DNAH17: variants seen among roughly 807,000 people sequenced by gnomAD.
DNAH17 encodes the protein axonemal beta dynein heavy chain 17.
Under a neutral mutation model 485.6 loss-of-function variants are expected in DNAH17, and 376 were observed. The ratio of observed to expected loss-of-function variants is 0.77; its 90% confidence interval spans 0.71 to 0.84. The LOEUF is 0.84. Among genes scored for constraint, DNAH17 ranks in the 40% least tolerant of loss-of-function variants. The pLI is 0.00. For missense variants in DNAH17, 6,370 were observed against 5,839.3 expected, an observed-to-expected ratio of 1.09 and a Z score of -2.96; for synonymous variants, 3,031 against 2,405.9, an observed-to-expected ratio of 1.26 and a Z score of -7.60.
rs1341942435 is a variant in DNAH17 at position 78,460,384 on chromosome 17, G to A, written c.9340-127C>T. The A allele has an allele frequency of 2.7e-5, 13 of 483,620 alleles. No homozygotes were observed. In the African/African-American group the frequency reaches 2.8e-4, roughly 10 times the overall value. The allele number at this position is 483,620 out of a possible 1,614,324, so 30.0% of individuals were successfully genotyped here. The stretch of plus-strand genomic sequence containing the variant: ...TATGCACGTGCATGAGTGTATGTGT[G>A]CATATATGTGCATGAGTGTATGTGT... On this transcript the variant is annotated intron_variant, in intron 58 of 80. Transcript: ENST00000389840.
chr17:78,552,575 G>A (rs1422791960), intron 15 of DNAH17, 122 bp downstream of exon 15: 3 of 560,526 alleles, frequency 5.4e-6, no homozygotes, highest in Middle Eastern at 3.2e-4. Flanking sequence ...CCCCCTTGAA[G>A]TTAAAGCAGA....
At position 78,459,037 on chromosome 17, in the gene DNAH17, T is replaced by C. The variant is rs777819763; in HGVS notation, c.9825A>G (p.Ala3275=). Residue 3275 remains alanine (A), a synonymous_variant, in exon 61 of 81, where the codon GCA becomes GCG. Coordinates refer to ENST00000389840, the MANE Select transcript of DNAH17 (RefSeq NM_173628.4). ...TTTTGATCCGGGACAGCTTCTCTTG[T>C]GCCTCTGCCAGCTCTGCATTAGCCT... The part of the protein sequence containing the change: ...LEEANAELAE[A]QEKLSRIKNK... The C allele has an allele frequency of 1.2e-6, 2 of 1,614,050 alleles. No homozygotes were observed. Among genetic ancestry groups the C allele is most frequent in the Non-Finnish European group, 1.7e-6 (2 of 1,179,902 alleles).
At chr17:78,538,012 G>A (rs530185672) in intron 18 of DNAH17, among the ~76,000 whole-genome samples, 32 of 152,138 alleles carry the variant, frequency 2.1e-4, no homozygotes, top group Non-Finnish European at 4.3e-4. Flanking sequence ...CTGGTGGTGG[G>A]TGTCTGGAAC....
intron 19 of DNAH17, among the ~76,000 whole-genome samples, chr17:78,535,843 A>G (rs544652993): frequency 1.4e-4 from 22 of 152,362 alleles, no homozygotes; most frequent in African/African-American, 5.3e-4. Flanking sequence ...GACAATTCAC[A>G]GAATCTGGGT....
chr17:78,553,517 G>C (rs953560946), intron 14 of DNAH17, among the ~76,000 whole-genome samples: 3 of 151,880 alleles, frequency 2.0e-5, no homozygotes, highest in African/African-American at 7.3e-5. Flanking sequence ...GGCCAGGCTG[G>C]TCTTGAACTC....
intron 16 of DNAH17, among the ~76,000 whole-genome samples, chr17:78,548,105 C>A (rs1416353489): frequency 6.6e-6 from 1 of 151,764 alleles, no homozygotes; most frequent in Non-Finnish European, 1.5e-5. Flanking sequence ...TCTGCTTTTG[C>A]AGTTTTGACT....
At position 78,514,773 on chromosome 17, in the gene DNAH17, C is replaced by T; in HGVS notation, c.4113+1G>A. On this transcript the variant is annotated splice_donor_variant, in intron 26 of 80. Transcript: ENST00000389840. LOFTEE classifies it high-confidence loss of function. ...CCTCCGCCCACCATGGTGCATGGTA[C>T]CTGGGTGGCCTGCATGAGCTGCTGC... is the stretch of plus-strand genomic sequence containing the variant. The T allele has an allele frequency of 7.4e-6, 12 of 1,613,644 alleles. No individual in the cohort carries two copies. Among genetic ancestry groups the T allele is most frequent in the Non-Finnish European group, 1.0e-5 (12 of 1,179,772 alleles).
In DNAH17 at chr17:78,558,248, C is replaced by T. The variant is rs1471871257; in HGVS notation, c.2038G>A (p.Ala680Thr). The change falls in exon 14 of 81, where the codon GCA becomes ACA. Residue 680 changes from alanine (A) to threonine (T), a missense_variant. Coordinates refer to ENST00000389840, the MANE Select transcript of DNAH17 (RefSeq NM_173628.4). ...AAATACTTGACTTCTCTCAGAACTG[C>T]CACCAACTAAATGACAAACGAAGAT... is the stretch of plus-strand genomic sequence containing the variant. ...IHVNFSKALV[A>T]VLREVKYLNF... The T allele has an allele frequency of 6.2e-7, 1 of 1,613,430 alleles. No individual in the cohort carries two copies.
intron 25 of DNAH17, among the ~76,000 whole-genome samples, chr17:78,515,715 G>A (rs1378334379): frequency 1.3e-5 from 2 of 152,198 alleles, no homozygotes; most frequent in Admixed American, 1.3e-4. Flanking sequence ...TCACAAAGGG[G>A]CATCGCCGAA....
chr17:78,510,752 C>CCCG (rs1555679585), intron 26 of DNAH17: 8 of 302,426 alleles, frequency 2.6e-5, no homozygotes, highest in African/African-American at 2.2e-4. Flanking sequence ...GGAATTGCGG[C>CCCG]CCCCCCGCAA....
intron 17 of DNAH17, among the ~76,000 whole-genome samples, chr17:78,542,883 C>T (rs559918050): frequency 1.2e-3 from 183 of 152,332 alleles, no homozygotes; most frequent in African/African-American, 4.2e-3. Flanking sequence ...GGGAAATCCA[C>T]GGGGGATACC....
chr17:78,466,782 A>C lies in DNAH17; in HGVS notation c.8813T>G (p.Leu2938Arg). The C allele has an allele frequency of 3.1e-6, 5 of 1,604,000 alleles. No individual in the cohort carries two copies. Among genetic ancestry groups the C allele is most frequent in the Non-Finnish European group, 4.3e-6 (5 of 1,175,580 alleles). Residue 2938 changes from leucine (L) to arginine (R), a missense_variant, in exon 56 of 81, where the codon CTG becomes CGG. Leu to Arg is a moderately radical substitution (Grantham distance 102). Transcript: ENST00000389840. ...ILCFSPVGSV[L>R]RVRARKFPAV... ...TGGGAACTTTCTGGCTCGTACCCGCAGCACGGAGCCCACAGGGGAGAAACA... is the reference window on the plus strand; with the variant it reads ...TGGGAACTTTCTGGCTCGTACCCGCCGCACGGAGCCCACAGGGGAGAAACA...
At chr17:78,442,684 G>A (rs938416852) in intron 71 of DNAH17, among the ~76,000 whole-genome samples, 5 of 152,244 alleles carry the variant, frequency 3.3e-5, no homozygotes, top group Admixed American at 6.5e-5. Flanking sequence ...ACAAAGGAGT[G>A]CTGGAGCCGG....
intron 73 of DNAH17, among the ~76,000 whole-genome samples, chr17:78,438,644 A>G (rs978294642): frequency 1.3e-5 from 2 of 151,014 alleles, no homozygotes; most frequent in Non-Finnish European, 3.0e-5. Context: ...GGTTACAGGC[A>G]TGTGCCAGCA....
rs1284445229 is a variant in DNAH17, at chr17:78,572,779, C to CCACT, written c.457_460dup (p.Gly154GlufsTer42). 2 of 1,613,638 alleles carry CCACT rather than the reference C, an allele frequency of 1.2e-6. No homozygotes were observed. The highest frequency in any genetic ancestry group is 2.2e-5 in the East Asian group (1 of 44,874). On this transcript the variant is annotated frameshift_variant, in exon 3 of 81. Transcript: ENST00000389840. LOFTEE classifies it high-confidence loss of function. ...CAGCAAGGTTTTGCCTTTGATCTTG[C>CCACT]CACTCATCACAAACATTTCATTCTT... is the stretch of plus-strand genomic sequence containing the variant.
At chr17:78,486,646 G>T in intron 44 of DNAH17, 140 bp from the exon 45 acceptor site, 3 of 1,117,928 alleles carry the variant, frequency 2.7e-6, no homozygotes, top group Non-Finnish European at 3.7e-6. Context: ...ATGGCAATGG[G>T]TCCAAACGAG....
chr17:78,494,497 T>C, intron 40 of DNAH17, 96 bp downstream of exon 40: 1 of 1,344,876 alleles, frequency 7.4e-7, no homozygotes, highest in Non-Finnish European at 1.0e-6. Flanking sequence ...GAAACGTGCG[T>C]GTGTGACACG....
At chr17:78,501,464 C>T in intron 34 of DNAH17, 120 bp from the exon 35 acceptor site, 1 of 1,268,166 alleles carries the variant, frequency 7.9e-7, no homozygotes, top group Non-Finnish European at 1.1e-6. Flanking sequence ...CCCTGGCCCT[C>T]TTTCCCCCTC....
At chr17:78,561,693 C>T (rs1178751117) in intron 12 of DNAH17, 22 bp downstream of exon 12, 1 of 1,581,998 alleles carries the variant, frequency 6.3e-7, no homozygotes, top group Non-Finnish European at 8.6e-7. Flanking sequence ...GGTGCCTGCC[C>T]CTGCCCAGGG....
Sources: allele counts gnomAD v4.1 joint callset (sites outside exome capture counted in the v4.1 genomes callset), GRCh38; gene constraint gnomAD v4.1.1; transcripts MANE v1.5; gene names NCBI Gene and HGNC (gene_info 2026-07-23, HGNC 2026-07-21).